The following ERI3 variants were observed in gnomAD, a reference collection of about 807,000 sequenced individuals.
The protein encoded by ERI3 is ERI1 exoribonuclease 3.
Under a neutral mutation model 44.4 loss-of-function variants are expected in ERI3, and 18 were observed. The observed-to-expected ratio is 0.41, with a 90% CI of 0.28 to 0.60. ERI3 has a LOEUF of 0.60. ERI3 is among the 20% of genes least tolerant of loss of function. The pLI, the probability that ERI3 is intolerant of heterozygous loss-of-function variation, is 0.36. For missense variants in ERI3, 294 were observed against 435.5 expected, an observed-to-expected ratio of 0.68 and a Z score of 2.89; for synonymous variants, 183 against 164.8, an observed-to-expected ratio of 1.11 and a Z score of -0.84.
chr1:44,221,706 T>TA lies in ERI3; in HGVS notation c.932-67dup. ...TCCCCTCCATGCCCACAGGTGCTCT[T>TA]ACAAGGGTGGGGGTGGGAAGCAGGG... On this transcript the variant is annotated intron_variant, in intron 8 of 8. Coordinates refer to ENST00000372257, the MANE Select transcript of ERI3 (RefSeq NM_024066.3). This position sits in a 1 kb window ranked among gnomAD's most constrained non-coding sequence, Gnocchi z 5.9. The TA allele has an allele frequency of 1.5e-6, 2 of 1,359,392 alleles. No individual in the cohort carries two copies. Among genetic ancestry groups the TA allele is most frequent in the Non-Finnish European group, 2.1e-6 (2 of 950,822 alleles). The allele number at this position is 1,359,392 out of a possible 1,614,324, so 84.2% of individuals were successfully genotyped here. A position where few individuals can be genotyped will look rare whatever the true frequency, so the allele number is the denominator to read the frequency against.
At chr1:44,309,434 G>T (rs1385764056) in intron 5 of ERI3, among the ~76,000 whole-genome samples, 1 of 152,096 alleles carries the variant, frequency 6.6e-6, no homozygotes. Flanking sequence ...GGTGGAGGTT[G>T]CAGTGAGCTG....
intron 7 of ERI3, among the ~76,000 whole-genome samples, chr1:44,280,078 T>A (rs1394108460): frequency 2.0e-5 from 3 of 152,216 alleles, no homozygotes; most frequent in Non-Finnish European, 4.4e-5. Context: ...TTTCAGATGA[T>A]CTTCTTCCAC....
intron 2 of ERI3, among the ~76,000 whole-genome samples, chr1:44,341,731 A>G (rs1330929348): frequency 6.6e-6 from 1 of 152,082 alleles, no homozygotes; most frequent in Non-Finnish European, 1.5e-5. Context: ...TACAAAAAAT[A>G]AATTAAAAAT....
intron 7 of ERI3, among the ~76,000 whole-genome samples, chr1:44,254,437 G>A (rs571123348): frequency 6.6e-6 from 1 of 152,118 alleles, no homozygotes; most frequent in East Asian, 1.9e-4. Flanking sequence ...TCGGGCTTCA[G>A]TACTTTTCTA....
intron 7 of ERI3, among the ~76,000 whole-genome samples, chr1:44,275,696 G>C (rs1198578157): frequency 6.6e-6 from 1 of 152,184 alleles, no homozygotes; most frequent in Non-Finnish European, 1.5e-5. Flanking sequence ...CAGAGGAAAA[G>C]TGGAGCAGCA....
intron 3 of ERI3, among the ~76,000 whole-genome samples, chr1:44,336,562 T>G (rs1010931116): frequency 5.3e-5 from 8 of 152,314 alleles, no homozygotes; most frequent in Non-Finnish European, 1.2e-4. Flanking sequence ...TTAAGATTGA[T>G]CTGACAGGAT....
Position 44,249,960 on chromosome 1 carries a change from T to C in ERI3, c.832-1922A>G, listed in dbSNP as rs574632163. Among the ~76,000 whole-genome samples, 11 of 152,068 alleles carry C rather than the reference T, an allele frequency of 7.2e-5. No individual in the cohort carries two copies. The East Asian group carries it at 1.2e-3, about 16-fold the overall frequency. ...AGAAGACGAGCTGGATGGGTTTTTT[T>C]CCCCTCTAAAAAGGAAAAAGGGAAG... On this transcript the variant is annotated intron_variant, in intron 7 of 8. Transcript: ENST00000372257.
intron 7 of ERI3, among the ~76,000 whole-genome samples, chr1:44,269,941 C>A (rs1645058168): frequency 6.6e-6 from 1 of 152,186 alleles, no homozygotes; most frequent in African/African-American, 2.4e-5. Flanking sequence ...ACACAGATGG[C>A]ATCAACTGGG....
intron 5 of ERI3, among the ~76,000 whole-genome samples, chr1:44,311,486 T>C (rs1368332251): frequency 6.6e-6 from 1 of 152,182 alleles, no homozygotes; most frequent in Non-Finnish European, 1.5e-5. Context: ...TTCAGGCTGA[T>C]ACCAGGAATT....
At chr1:44,245,264 A>G (rs940967645) in intron 8 of ERI3, among the ~76,000 whole-genome samples, 2 of 152,114 alleles carry the variant, frequency 1.3e-5, no homozygotes, top group African/African-American at 2.4e-5. Context: ...CTCCCAGCCC[A>G]ATTAATGCCC....
At chr1:44,303,739 C>A (rs1645775540) in intron 6 of ERI3, among the ~76,000 whole-genome samples, 1 of 151,962 alleles carries the variant, frequency 6.6e-6, no homozygotes, top group Admixed American at 6.6e-5. Flanking sequence ...TTGAAAGTCC[C>A]AATAAACAGT....
At chr1:44,321,308 C>G (rs993606936) in intron 3 of ERI3, among the ~76,000 whole-genome samples, 3 of 152,116 alleles carry the variant, frequency 2.0e-5, no homozygotes, top group African/African-American at 7.2e-5. Flanking sequence ...AGGAAGCTGA[C>G]AGGAGCTTAT....
chr1:44,320,614 G>A (rs943503372), intron 3 of ERI3, among the ~76,000 whole-genome samples: 1 of 152,108 alleles, frequency 6.6e-6, no homozygotes, highest in African/African-American at 2.4e-5. Flanking sequence ...GGAAAGCGAG[G>A]AGAGAGAATA....
intron 3 of ERI3, among the ~76,000 whole-genome samples, chr1:44,334,826 G>A (rs12123509): frequency 0.19 from 29,286 of 152,126 alleles, 3,744 homozygotes; most frequent in Non-Finnish European, 0.29. Context: ...AGTACAACAG[G>A]GCTTACACCT....
At chr1:44,322,423 C>T (rs1429301719) in intron 3 of ERI3, among the ~76,000 whole-genome samples, 1 of 151,974 alleles carries the variant, frequency 6.6e-6, no homozygotes, top group Non-Finnish European at 1.5e-5. Flanking sequence ...CCTGAAATTC[C>T]CAGGGTGCCT....
chr1:44,324,464 G>A (rs1267880414), intron 3 of ERI3, among the ~76,000 whole-genome samples: 1 of 147,134 alleles, frequency 6.8e-6, no homozygotes, highest in Non-Finnish European at 1.5e-5. Flanking sequence ...AGGGTTTCCT[G>A]CAACATAGAC....
chr1:44,310,943 TGTGCACATCGCGCGC>T (rs1645943178), intron 5 of ERI3, among the ~76,000 whole-genome samples: 1 of 140,670 alleles, frequency 7.1e-6, no homozygotes, highest in Non-Finnish European at 1.6e-5. Flanking sequence ...CTTGCATGTA[TGTGCACATCGCGCGC>T]GCGCGCACAC....
At chr1:44,262,199 C>T (rs1388047188) in intron 7 of ERI3, among the ~76,000 whole-genome samples, 1 of 152,138 alleles carries the variant, frequency 6.6e-6, no homozygotes. Flanking sequence ...CCAGCCCCAC[C>T]CTAACCAACT....
At chr1:44,326,853 A>C (rs1646326582) in intron 3 of ERI3, among the ~76,000 whole-genome samples, 4 of 152,216 alleles carry the variant, frequency 2.6e-5, no homozygotes. Context: ...GCTATTCTTT[A>C]TTTGAGGAGA....
Sources: allele counts gnomAD v4.1 joint callset (sites outside exome capture counted in the v4.1 genomes callset), GRCh38; gene constraint gnomAD v4.1.1; non-coding constraint Gnocchi (gnomAD v3.1); transcripts MANE v1.5; gene names NCBI Gene and HGNC (gene_info 2026-07-23, HGNC 2026-07-21).